SIGLEC1: variants seen among roughly 807,000 people sequenced by gnomAD.
SIGLEC1 encodes the protein sialic acid binding Ig like lectin 1, also known as sialoadhesin.
A neutral mutation model predicts 148.0 loss-of-function variants in SIGLEC1; 132 were observed. That is an observed-to-expected ratio of 0.89 (90% CI 0.77 to 1.03). SIGLEC1 has a LOEUF of 1.03. Among genes scored for constraint, SIGLEC1 ranks in the 50% least tolerant of loss-of-function variants. The pLI is 0.00. For synonymous variants in SIGLEC1, 945 were observed against 969.0 expected (o/e 0.98, Z 0.46); for missense variants, 2,253 against 2,271.4 (o/e 0.99, Z 0.16).
At chr20:3,705,604 T>G in intron 4 of SIGLEC1, 140 bp downstream of exon 4, 1 of 838,494 alleles carries the variant, frequency 1.2e-6, no homozygotes, top group East Asian at 2.5e-5. Context: ...TCTCTCCACT[T>G]GCCCTACCCT....
At position 3,693,600 on chromosome 20, in the gene SIGLEC1, A is replaced by T. The variant is rs750348030; in HGVS notation, c.3355T>A (p.Tyr1119Asn). 1 of 1,612,854 alleles carries T rather than the reference A, an allele frequency of 6.2e-7. No homozygotes were observed. Among genetic ancestry groups the T allele is most frequent in the Non-Finnish European group, 8.5e-7 (1 of 1,179,770 alleles). ...VWTTHPAQLT[Y>N]TWYQDGQQRL... is the part of the protein sequence containing the mutation. ...TGCTGCCCATCCTGGTACCATGTGT[A>T]GGTGAGCTGGGCCGGGTGAGTGGTC... The change falls in exon 14 of 22, where the codon TAC (tyrosine) becomes AAC (asparagine). Residue 1119 changes from tyrosine to asparagine, a missense_variant. Coordinates refer to ENST00000344754, the MANE Select transcript of SIGLEC1 (RefSeq NM_023068.4).
Position 3,699,398 on chromosome 20 carries a change from G to A in SIGLEC1, c.1590C>T (p.Ser530=). The change falls in exon 8 of 22, where the codon AGC becomes AGT. Residue 530 remains serine (S), a synonymous_variant. Coordinates refer to ENST00000344754, the MANE Select transcript of SIGLEC1 (RefSeq NM_023068.4). ...EVVEGQAVTL[S]CRSGLSPTPD... ...GTGTGGGGCTTAGGCCGCTTCTGCAGCTCAGTGTCACTGCCTGTCCTTCCA... is the reference window on the plus strand; with the variant it reads ...GTGTGGGGCTTAGGCCGCTTCTGCAACTCAGTGTCACTGCCTGTCCTTCCA... The A allele has an allele frequency of 6.2e-7, 1 of 1,609,500 alleles. No individual in the cohort carries two copies. Among genetic ancestry groups the A allele is most frequent in the Non-Finnish European group, 8.5e-7 (1 of 1,178,630 alleles).
In SIGLEC1 at chr20:3,694,308, C is replaced by T; in HGVS notation, c.3169G>A (p.Ala1057Thr). The change falls in exon 13 of 22, where the codon GCT (alanine) becomes ACT (threonine). Residue 1057 changes from alanine (A) to threonine (T), a missense_variant. Transcript: ENST00000344754. ...PNTLRLEIHG[A>T]MLEDEGVYIC... ...TAGACACCCTCATCCTCCAGCATAG[C>T]CCCGTGGATCTCCAGACGCAGTGTG... 1 of 1,613,076 alleles carries T rather than the reference C, an allele frequency of 6.2e-7. No individual in the cohort carries two copies. Among genetic ancestry groups the T allele is most frequent in the East Asian group, 2.2e-5 (1 of 44,878 alleles).
In SIGLEC1 at chr20:3,698,153, G is replaced by A; in HGVS notation, c.1787-20C>T. 6 of 1,554,714 alleles carry A rather than the reference G, an allele frequency of 3.9e-6. No homozygotes were observed. Among genetic ancestry groups the A allele is most frequent in the Non-Finnish European group, 5.2e-6 (6 of 1,152,746 alleles). On this transcript the variant is annotated intron_variant, in intron 8 of 21. Transcript: ENST00000344754. ...GGGGGTCTGCAGGGAGGAAGAACAT[G>A]GGCACTCATCCCACGGATGCTCCAG...
rs547511 is a variant in SIGLEC1, at chr20:3,699,109, G to T, written c.1786+93C>A. The stretch of plus-strand genomic sequence containing the variant: ...TGACCCAGCCCTCCCGATATAGACC[G>T]TGGGGCAGGGCAGGACAGGGCTGGG... On this transcript the variant is annotated intron_variant, in intron 8 of 21. Coordinates refer to ENST00000344754, the MANE Select transcript of SIGLEC1 (RefSeq NM_023068.4). The T allele has an allele frequency of 8.6e-3, 12,394 of 1,440,986 alleles. 66 individuals carry two copies. The highest frequency in any genetic ancestry group is 0.022 in the African/African-American group (1,513 of 70,222). The allele number at this position is 1,440,986 out of a possible 1,614,324, so 89.3% of individuals were successfully genotyped here.
intron 11 of SIGLEC1, among the ~76,000 whole-genome samples, chr20:3,696,210 G>A (rs1245903886): frequency 6.7e-6 from 1 of 150,142 alleles, no homozygotes; most frequent in African/African-American, 2.5e-5. Flanking sequence ...TTATGCATAA[G>A]AATACACATA....
chr20:3,705,244 G>A (rs545499496), intron 4 of SIGLEC1, among the ~76,000 whole-genome samples: 8 of 152,170 alleles, frequency 5.3e-5, no homozygotes, highest in East Asian at 3.9e-4. Context: ...TGATCCACCC[G>A]CCTCAGCCTC....
chr20:3,691,625 A>T (rs776321112), intron 17 of SIGLEC1, 25 bp from the exon 18 acceptor site: 111 of 1,604,818 alleles, frequency 6.9e-5, no homozygotes, highest in Non-Finnish European at 8.9e-5. Context: ...TAGAGAGATG[A>T]TTGGGGATCT....
chr20:3,703,315 G>A lies in SIGLEC1; in HGVS notation c.1110C>T (p.Ala370=). ...WYKNHVLLED[A]HSHTLRLHLA... ...AGTGCAGCCGGAGGGTATGGGAGTGGGCATCCTCCAGCAGGACATGGTTCT... is the reference window on the plus strand; with the variant it reads ...AGTGCAGCCGGAGGGTATGGGAGTGAGCATCCTCCAGCAGGACATGGTTCT... The change falls in exon 6 of 22, where the codon GCC becomes GCT. Residue 370 remains alanine, a synonymous_variant. Transcript: ENST00000344754. The A allele has an allele frequency of 1.9e-6, 3 of 1,614,160 alleles. No individual in the cohort carries two copies. The highest frequency in any genetic ancestry group is 4.5e-5 in the East Asian group (2 of 44,888).
chr20:3,690,364 G>A (rs960506343), intron 18 of SIGLEC1, 100 bp from the exon 19 acceptor site: 2 of 939,766 alleles, frequency 2.1e-6, no homozygotes, highest in Non-Finnish European at 3.1e-6. Context: ...CCCATTAAGA[G>A]GCAGAACCTA....
chr20:3,701,253 G>A, intron 7 of SIGLEC1, 89 bp downstream of exon 7: 1 of 1,231,056 alleles, frequency 8.1e-7, no homozygotes, highest in South Asian at 1.5e-5. Flanking sequence ...TCCTGCGGTT[G>A]AGTCCACTAG....
intron 18 of SIGLEC1, among the ~76,000 whole-genome samples, chr20:3,691,118 C>T (rs1245942997): frequency 6.6e-6 from 1 of 152,146 alleles, no homozygotes; most frequent in Non-Finnish European, 1.5e-5. Flanking sequence ...GGCATAAGCC[C>T]CTGCACCAGC....
At position 3,694,724 on chromosome 20, in the gene SIGLEC1, T is replaced by C; in HGVS notation, c.2883A>G (p.Gln961=). Residue 961 remains glutamine (Q), a synonymous_variant, in exon 12 of 22, where the codon CAA becomes CAG. Coordinates refer to ENST00000344754, the MANE Select transcript of SIGLEC1 (RefSeq NM_023068.4). ...TGGTGGCTGAGCCTGGGGCCTGGGC[T>C]TGGCAATGATAGGCCCCAGCTTGTG... ...TLTQAGAYHC[Q]AQAPGSATTS... 1 of 1,613,840 alleles carries C rather than the reference T, an allele frequency of 6.2e-7. No homozygotes were observed. Among genetic ancestry groups the C allele is most frequent in the Non-Finnish European group, 8.5e-7 (1 of 1,180,012 alleles).
chr20:3,688,238 G>A lies in SIGLEC1; in HGVS notation c.*322C>T, dbSNP rs927969119. 1 of 380,648 alleles carries A rather than the reference G, an allele frequency of 2.6e-6. No homozygotes were observed. Among genetic ancestry groups the A allele is most frequent in the Non-Finnish European group, 5.0e-6 (1 of 200,560 alleles). The allele number at this position is 380,648 out of a possible 1,614,324, so 23.6% of individuals were successfully genotyped here. On this transcript the variant is annotated 3_prime_UTR_variant, in exon 22 of 22. Transcript: ENST00000344754. ...CTGCAATCCAACCAAAGTCCAGGGT[G>A]ACTTTCGAGGAGAAGGATGTGAAAG...
At position 3,691,550 on chromosome 20, in the gene SIGLEC1, G is replaced by C; in HGVS notation, c.4381C>G (p.Leu1461Val). ...CCCAGGAGGCGGCAGCTGAGGTTCA[G>C]GGCAGCGCCCTCAGGCACGTCCAGG... ...PGLDVPEGAA[L>V]NLSCRLLGGP... The change falls in exon 18 of 22, where the codon CTG becomes GTG. Residue 1461 changes from leucine (L) to valine (V), a missense_variant. By Grantham distance (32) the Leu-to-Val change is conservative (BLOSUM62 1). Coordinates refer to ENST00000344754, the MANE Select transcript of SIGLEC1 (RefSeq NM_023068.4). 3.1e-6 allele frequency: 5 copies of C among 1,613,142 alleles called. No homozygotes were observed. The highest frequency in any genetic ancestry group is 4.2e-6 in the Non-Finnish European group (5 of 1,179,992).
At position 3,699,232 on chromosome 20, in the gene SIGLEC1, G is replaced by C; in HGVS notation, c.1756C>G (p.Pro586Ala). Residue 586 changes from proline to alanine, a missense_variant, in exon 8 of 22, where the codon CCC (proline) becomes GCC (alanine). Pro to Ala is a conservative substitution (Grantham distance 27, BLOSUM62 -1). Coordinates refer to ENST00000344754, the MANE Select transcript of SIGLEC1 (RefSeq NM_023068.4). ...ACAGTGAGAACAGCTGGCGAAGAGG[G>C]GCCACTGGCACTGTGGCCGTCCCGG... ...RARDGHSASG[P>A]SSPAVLTVLY... is the part of the protein sequence containing the mutation. 6.2e-7 allele frequency: 1 copy of C among 1,610,762 alleles called. No individual in the cohort carries two copies. The highest frequency in any genetic ancestry group is 1.3e-5 in the African/African-American group (1 of 75,018).
In SIGLEC1 at chr20:3,688,256, T is replaced by TC. The variant is rs2088718460; in HGVS notation, c.*303_*304insG. On this transcript the variant is annotated 3_prime_UTR_variant, in exon 22 of 22. Transcript: ENST00000344754. ...CCAGGGTGACTTTCGAGGAGAAGGA[T>TC]GTGAAAGGGCAGGGCTTCCTTTGAG... 4.2e-5 allele frequency: 17 copies of TC among 405,132 alleles called. No individual in the cohort carries two copies. The highest frequency in any genetic ancestry group is 2.6e-4 in the South Asian group (12 of 46,420). 25.1% of individuals were successfully genotyped at this position (405,132 alleles called of 1,614,324 possible).
intron 9 of SIGLEC1, 82 bp downstream of exon 9, chr20:3,697,716 G>A: frequency 7.4e-7 from 1 of 1,342,414 alleles, no homozygotes; most frequent in Non-Finnish European, 1.0e-6. Flanking sequence ...GAGTGGTTTT[G>A]CCTGATTAGA....
rs769979796 is a variant in SIGLEC1, at chr20:3,692,045, T to G, written c.4188A>C (p.Ala1396=). Reference sequence around the variant, plus strand: ...CCACCTGGACATGGCCTGTCCCTGATGCCAAGCTGTGGACCCCGCTGCTCG... The same window carrying G: ...CCACCTGGACATGGCCTGTCCCTGAGGCCAAGCTGTGGACCCCGCTGCTCG... ...LATSSGVHSL[A]SGTGHVQVAR... is the part of the protein sequence containing the mutation. Residue 1396 remains alanine, a synonymous_variant, in exon 17 of 22, where the codon GCA becomes GCC. Coordinates refer to ENST00000344754, the MANE Select transcript of SIGLEC1 (RefSeq NM_023068.4). 38 of 1,612,918 alleles carry G rather than the reference T, an allele frequency of 2.4e-5. No homozygotes were observed. Among genetic ancestry groups the G allele is most frequent in the Admixed American group, 2.2e-4 (13 of 59,922 alleles).
Sources: gnomAD v4.1 joint callset for allele counts (sites outside exome capture counted in the v4.1 genomes callset) on GRCh38, gnomAD v4.1.1 for gene constraint, MANE v1.5 for transcripts, NCBI Gene and HGNC (gene_info 2026-07-23, HGNC 2026-07-21) for gene names.